Variants in FYN observed in about 807,000 individuals in gnomAD.
FYN encodes tyrosine-protein kinase Fyn.
Under a neutral mutation model 70.2 loss-of-function variants are expected in FYN, and 10 were observed. The ratio of observed to expected loss-of-function variants is 0.14; its 90% confidence interval spans 0.09 to 0.24. The LOEUF is 0.24. Among genes scored for constraint, FYN ranks in the 10% least tolerant of loss-of-function variants. The pLI is 1.00. For synonymous variants in FYN, 236 were observed against 248.6 expected, an observed-to-expected ratio of 0.95 and a Z score of 0.48; for missense variants, 319 against 673.1, an observed-to-expected ratio of 0.47 and a Z score of 5.82.
In FYN at chr6:111,773,483, G is replaced by C. The variant is rs779731744; in HGVS notation, c.-12+7083C>G. 8.5e-3 allele frequency among the ~76,000 whole-genome samples: 753 copies of C among 88,858 alleles called. 17 individuals are homozygous for C. Among genetic ancestry groups the C allele is most frequent in the Non-Finnish European group, 0.013 (586 of 43,512 alleles). 58.3% of individuals were successfully genotyped at this position (88,858 alleles called of 152,430 possible). A position where few individuals can be genotyped will look rare whatever the true frequency, so the allele number is the denominator to read the frequency against. ...AGAGTGGGAAAGGGAAAACGAGAGG[G>C]AGAGGGAGAGGGAGAGCGGGGGAGG... is the stretch of plus-strand genomic sequence containing the variant. On this transcript the variant is annotated intron_variant, in intron 3 of 13. Coordinates refer to ENST00000354650, the MANE Select transcript of FYN (RefSeq NM_002037.5).
chr6:111,760,031 G>A (rs532631388), intron 3 of FYN: 5 of 151,766 alleles, frequency 3.3e-5, no homozygotes, highest in Non-Finnish European at 7.4e-5. Flanking sequence ...ATGAGACAGT[G>A]ACGTATGTGA....
chr6:111,830,344 G>A (rs1583477591), intron 2 of FYN, among the ~76,000 whole-genome samples: 1 of 152,182 alleles, frequency 6.6e-6, no homozygotes, highest in Non-Finnish European at 1.5e-5. Context: ...GGGAGTAGGA[G>A]AGCCAGCTCC....
Position 111,719,817 on chromosome 6 carries a change from T to G in FYN, c.235A>C (p.Arg79=). Residue 79 remains arginine (R), a synonymous_variant, in exon 4 of 14, where the codon AGA becomes CGA. Coordinates refer to ENST00000354650, the MANE Select transcript of FYN (RefSeq NM_002037.5). The part of the protein sequence containing the change: ...SSSHTGTLRT[R]GGTGVTLFVA... ...TTTGGGGGCTTACCTGTTCCTCCTC[T>G]CGTACGCAAGGTCCCCGTATGAGAC... 1 of 1,614,082 alleles carries G rather than the reference T, an allele frequency of 6.2e-7. No homozygotes were observed. Among genetic ancestry groups the G allele is most frequent in the South Asian group, 1.1e-5 (1 of 91,080 alleles).
chr6:111,734,187 T>C (rs966410658), intron 3 of FYN, among the ~76,000 whole-genome samples: 2 of 152,112 alleles, frequency 1.3e-5, no homozygotes, highest in Non-Finnish European at 2.9e-5. Context: ...CAAAGACCTT[T>C]TGCACACATT....
intron 12 of FYN, among the ~76,000 whole-genome samples, chr6:111,693,650 A>T (rs1436707516): frequency 6.6e-6 from 1 of 152,148 alleles, no homozygotes. Context: ...GGCGGGGATG[A>T]TGAAAGGAGG....
At chr6:111,677,115 G>T (rs1229038646) in intron 12 of FYN, among the ~76,000 whole-genome samples, 2 of 152,122 alleles carry the variant, frequency 1.3e-5, no homozygotes, top group Non-Finnish European at 2.9e-5. Context: ...AATTTGTTTT[G>T]TATTAATTTT....
At chr6:111,727,577 T>C (rs540693112) in intron 3 of FYN, among the ~76,000 whole-genome samples, 1 of 152,234 alleles carries the variant, frequency 6.6e-6, no homozygotes, top group South Asian at 2.1e-4. Flanking sequence ...AAAGTGGGAA[T>C]ATACACAATG....
intron 4 of FYN, chr6:111,719,595 G>A (rs914107287): frequency 1.8e-5 from 10 of 555,304 alleles, no homozygotes; most frequent in Admixed American, 3.2e-5. Context: ...GCAGCAACTT[G>A]GGGCACCTTG....
At chr6:111,730,288 A>T (rs1801388841) in intron 3 of FYN, among the ~76,000 whole-genome samples, 1 of 152,214 alleles carries the variant, frequency 6.6e-6, no homozygotes, top group Admixed American at 6.5e-5. Context: ...TGTAGGGGAC[A>T]AGTGTGGAAT....
Position 111,679,315 on chromosome 6 carries a change from C to A in FYN, c.1274-4685G>T, listed in dbSNP as rs117595568. Among the ~76,000 whole-genome samples, 801 of 152,322 alleles carry A rather than the reference C, an allele frequency of 5.3e-3. 5 individuals carry two copies. The highest frequency in any genetic ancestry group is 8.1e-3 in the Non-Finnish European group (552 of 68,032). On this transcript the variant is annotated intron_variant, in intron 12 of 13. Transcript: ENST00000354650. ...ACTTCTATGCTGCCAGAGCACCTCC[C>A]TCTTTGTAGTTGTCACTACTTTTTT...
chr6:111,683,207 G>A (rs1798848766), intron 12 of FYN, among the ~76,000 whole-genome samples: 2 of 152,220 alleles, frequency 1.3e-5, no homozygotes, highest in East Asian at 3.9e-4. Context: ...ACTGCCTTTA[G>A]GAAGAAGAGG....
At chr6:111,783,577 G>A (rs994797913) in intron 2 of FYN, among the ~76,000 whole-genome samples, 1 of 152,200 alleles carries the variant, frequency 6.6e-6, no homozygotes, top group Non-Finnish European at 1.5e-5. Context: ...AAATTTTCGT[G>A]AGTGCTCCCA....
At chr6:111,681,455 C>T (rs544733446) in intron 12 of FYN, among the ~76,000 whole-genome samples, 4 of 152,304 alleles carry the variant, frequency 2.6e-5, no homozygotes, top group African/African-American at 9.6e-5. Flanking sequence ...GCCACCGTGC[C>T]TGACCTAACT....
chr6:111,850,705 C>T (rs892672984), intron 1 of FYN, among the ~76,000 whole-genome samples: 2 of 152,218 alleles, frequency 1.3e-5, no homozygotes, highest in African/African-American at 4.8e-5. Context: ...CAGCCCCTGG[C>T]TCTCTGCCTG....
chr6:111,812,804 C>T (rs746142244), intron 2 of FYN, among the ~76,000 whole-genome samples: 17 of 151,750 alleles, frequency 1.1e-4, no homozygotes, highest in Non-Finnish European at 2.1e-4. Context: ...GGGTGTGTCA[C>T]TCACCTTCCT....
At chr6:111,740,450 T>C (rs1008745658) in intron 3 of FYN, among the ~76,000 whole-genome samples, 4 of 152,196 alleles carry the variant, frequency 2.6e-5, no homozygotes, top group Non-Finnish European at 5.9e-5. Context: ...AATGAAATAG[T>C]GAAGGGAAAT....
At chr6:111,832,547 C>CT (rs964642800) in intron 2 of FYN, among the ~76,000 whole-genome samples, 4 of 151,888 alleles carry the variant, frequency 2.6e-5, no homozygotes, top group Admixed American at 6.6e-5. Context: ...TGGTATACTG[C>CT]TTTTTTTTCT....
At chr6:111,792,802 T>C (rs1167865582) in intron 2 of FYN, among the ~76,000 whole-genome samples, 2 of 152,196 alleles carry the variant, frequency 1.3e-5, no homozygotes, top group Admixed American at 6.5e-5. Context: ...ATTTTATTTA[T>C]ATAAAGTTCA....
At chr6:111,804,250 C>CCG (rs1772079032) in intron 2 of FYN, among the ~76,000 whole-genome samples, 1 of 152,008 alleles carries the variant, frequency 6.6e-6, no homozygotes, top group African/African-American at 2.4e-5. Context: ...GAAGAACACC[C>CCG]ACATCCCCTG....
Sources: gnomAD v4.1 joint callset for allele counts (sites outside exome capture counted in the v4.1 genomes callset) on GRCh38, gnomAD v4.1.1 for gene constraint, MANE v1.5 for transcripts, NCBI Gene and HGNC (gene_info 2026-07-23, HGNC 2026-07-21) for gene names.